Variants in PAPPA2 observed in about 807,000 individuals in gnomAD.
The protein encoded by PAPPA2 is pappalysin 2, also known as pappalysin-2.
A neutral mutation model predicts 176.4 loss-of-function variants in PAPPA2; 86 were observed. The ratio of observed to expected loss-of-function variants is 0.49; its 90% CI spans 0.41 to 0.58. The LOEUF (loss-of-function observed/expected upper bound fraction) is 0.58, where lower values mean the gene tolerates loss of function less well. PAPPA2 is among the 20% of genes least tolerant of loss of function. The pLI is 0.00. For missense variants in PAPPA2, 2,073 were observed against 2,256.9 expected (o/e 0.92, Z 1.65); for synonymous variants, 809 against 852.2 (o/e 0.95, Z 0.88).
At chr1:176,799,507 G>T (rs1396959804) in intron 20 of PAPPA2, among the ~76,000 whole-genome samples, 5 of 152,112 alleles carry the variant, frequency 3.3e-5, no homozygotes, top group Non-Finnish European at 5.9e-5. Flanking sequence ...TACAGGGCAG[G>T]CTGCATGATG....
At chr1:176,705,084 A>T (rs186919262) in intron 9 of PAPPA2, among the ~76,000 whole-genome samples, 2 of 152,306 alleles carry the variant, frequency 1.3e-5, no homozygotes, top group East Asian at 3.9e-4. Flanking sequence ...GTAGCAAAAC[A>T]TAGATGAAGG....
intron 3 of PAPPA2, among the ~76,000 whole-genome samples, chr1:176,651,397 C>A (rs1657715140): frequency 6.6e-6 from 1 of 151,428 alleles, no homozygotes; most frequent in Non-Finnish European, 1.5e-5. Flanking sequence ...TTTGTAGAGA[C>A]AATATACTTG....
chr1:176,796,800 C>T (rs1320360433), intron 20 of PAPPA2, among the ~76,000 whole-genome samples: 1 of 148,644 alleles, frequency 6.7e-6, no homozygotes, highest in Non-Finnish European at 1.5e-5. Context: ...CTTTCTTCCT[C>T]CCTCTCTCTC....
intron 21 of PAPPA2, among the ~76,000 whole-genome samples, chr1:176,816,241 G>GTATGTA (rs1553209490): frequency 1.8e-5 from 2 of 113,518 alleles, no homozygotes; most frequent in Non-Finnish European, 3.4e-5. Flanking sequence ...GTGTGTGTGT[G>GTATGTA]TATATATATA....
chr1:176,727,891 A>T (rs959278030), intron 12 of PAPPA2, among the ~76,000 whole-genome samples: 1 of 152,042 alleles, frequency 6.6e-6, no homozygotes, highest in African/African-American at 2.4e-5. Flanking sequence ...TAAGCAATAC[A>T]TGGCTAAATA....
chr1:176,796,211 C>G (rs913237558), intron 20 of PAPPA2, among the ~76,000 whole-genome samples: 1 of 152,176 alleles, frequency 6.6e-6, no homozygotes, highest in African/African-American at 2.4e-5. Flanking sequence ...ATCATTCCCT[C>G]TAGGCATCAA....
intron 1 of PAPPA2, among the ~76,000 whole-genome samples, chr1:176,531,050 T>C (rs1036772272): frequency 1.3e-5 from 2 of 152,252 alleles, no homozygotes; most frequent in Non-Finnish European, 2.9e-5. Context: ...GTTTTAGTTC[T>C]GTCTACATGA....
At position 176,783,440 on chromosome 1, in the gene PAPPA2, A is replaced by G. The variant is rs576836020; in HGVS notation, c.4716-6369A>G. Among the ~76,000 whole-genome samples, 10 of 152,330 alleles carry G rather than the reference A, an allele frequency of 6.6e-5. No individual in the cohort carries two copies. In the South Asian group the frequency reaches 1.9e-3, roughly 28 times the overall value. On this transcript the variant is annotated intron_variant, in intron 17 of 22. Coordinates refer to ENST00000367662, the MANE Select transcript of PAPPA2 (RefSeq NM_020318.3). ...ACTATGTGTGCCTCAAGCAACATCAATCAAACTTTCAGCCAAGTTTTGATG... is the reference window on the plus strand; with the variant it reads ...ACTATGTGTGCCTCAAGCAACATCAGTCAAACTTTCAGCCAAGTTTTGATG...
chr1:176,542,689 G>A (rs1348205363), intron 1 of PAPPA2, among the ~76,000 whole-genome samples: 2 of 152,156 alleles, frequency 1.3e-5, no homozygotes. Context: ...ACAAGCTTAC[G>A]GGCTCAGACT....
chr1:176,558,624 G>T (rs945083131), intron 2 of PAPPA2, among the ~76,000 whole-genome samples: 2 of 152,128 alleles, frequency 1.3e-5, no homozygotes, highest in Non-Finnish European at 2.9e-5. Context: ...GTTAGGTGGG[G>T]GAAGAGAAAG....
At chr1:176,792,815 A>G (rs1409076987) in intron 19 of PAPPA2, among the ~76,000 whole-genome samples, 1 of 152,208 alleles carries the variant, frequency 6.6e-6, no homozygotes, top group East Asian at 1.9e-4. Flanking sequence ...AAATCTATAG[A>G]TGAGGAAATA....
chr1:176,764,182 C>A (rs1663826975), intron 14 of PAPPA2, among the ~76,000 whole-genome samples: 1 of 152,160 alleles, frequency 6.6e-6, no homozygotes, highest in South Asian at 2.1e-4. Flanking sequence ...TTCCACTAGG[C>A]CCCACCTACC....
intron 3 of PAPPA2, among the ~76,000 whole-genome samples, chr1:176,602,964 C>G (rs1285385607): frequency 2.0e-5 from 3 of 152,224 alleles, no homozygotes; most frequent in African/African-American, 7.2e-5. Context: ...CCCAGTTTCT[C>G]TGTTCACCTG....
intron 1 of PAPPA2, among the ~76,000 whole-genome samples, chr1:176,465,169 G>A (rs1007890093): frequency 6.6e-6 from 1 of 152,128 alleles, no homozygotes; most frequent in Non-Finnish European, 1.5e-5. Flanking sequence ...CATCTAAGTT[G>A]TTTTCAACTT....
chr1:176,519,201 T>G (rs1420199599), intron 1 of PAPPA2, among the ~76,000 whole-genome samples: 1 of 152,182 alleles, frequency 6.6e-6, no homozygotes, highest in Non-Finnish European at 1.5e-5. Context: ...ATCCTGCTCT[T>G]TATCAGCCAA....
intron 14 of PAPPA2, among the ~76,000 whole-genome samples, chr1:176,741,832 T>C (rs762827248): frequency 6.6e-6 from 1 of 152,194 alleles, no homozygotes; most frequent in African/African-American, 2.4e-5. Context: ...TAAAATAACA[T>C]TTATTAGAAT....
chr1:176,791,341 T>C lies in PAPPA2; in HGVS notation c.4885-6T>C. ...ATAATTAAGATGTTTACTTTTGATA[T>C]TCTAGCTTCCCATCCTCTGCACTAA... is the stretch of plus-strand genomic sequence containing the variant. On this transcript the variant is annotated splice_polypyrimidine_tract_variant and splice_region_variant and intron_variant, in intron 18 of 22. Transcript: ENST00000367662. The C allele has an allele frequency of 6.2e-7, 1 of 1,605,040 alleles. No homozygotes were observed. Among genetic ancestry groups the C allele is most frequent in the South Asian group, 1.1e-5 (1 of 90,090 alleles).
chr1:176,481,060 T>C (rs576361328), intron 1 of PAPPA2, among the ~76,000 whole-genome samples: 166 of 152,180 alleles, frequency 1.1e-3, no homozygotes, highest in African/African-American at 3.8e-3. Flanking sequence ...TGGAGCAGGA[T>C]TGTGAAAGAG....
At chr1:176,693,971 C>G (rs1324339886) in intron 6 of PAPPA2, among the ~76,000 whole-genome samples, 1 of 152,172 alleles carries the variant, frequency 6.6e-6, no homozygotes, top group Non-Finnish European at 1.5e-5. Context: ...TCAGTACGGG[C>G]GTGCTGAGAG....
Sources: gnomAD v4.1 joint callset for allele counts (sites outside exome capture counted in the v4.1 genomes callset) on GRCh38, gnomAD v4.1.1 for gene constraint, MANE v1.5 for transcripts, NCBI Gene and HGNC (gene_info 2026-07-23, HGNC 2026-07-21) for gene names.